The following PCBP3 variants were observed in gnomAD, a reference collection of about 807,000 sequenced individuals.
PCBP3 encodes poly(rC)-binding protein 3.
PCBP3 carries 25 observed loss-of-function variants against 52.7 expected under a neutral mutation model. The observed-to-expected ratio is 0.47, with a 90% confidence interval of 0.35 to 0.66. PCBP3 has a LOEUF of 0.66. PCBP3 is among the 30% of genes least tolerant of loss of function. The pLI, the probability that PCBP3 is intolerant of heterozygous loss-of-function variation, is 0.01. For missense variants in PCBP3, 391 were observed against 490.3 expected, an observed-to-expected ratio of 0.80 and a Z score of 1.91; for synonymous variants, 162 against 183.0, an observed-to-expected ratio of 0.89 and a Z score of 0.93.
chr21:45,769,877 C>A (rs2089710342), intron 4 of PCBP3, among the ~76,000 whole-genome samples: 1 of 152,230 alleles, frequency 6.6e-6, no homozygotes, highest in Non-Finnish European at 1.5e-5. Context: ...TGACTCAGCC[C>A]AGCAGAAACT....
intron 4 of PCBP3, among the ~76,000 whole-genome samples, chr21:45,820,493 G>T (rs772235944): frequency 9.2e-5 from 14 of 152,378 alleles, no homozygotes; most frequent in Admixed American, 7.2e-4. Flanking sequence ...GGATAGGACA[G>T]GTGGCTTGGG....
In PCBP3 at chr21:45,821,028, G is replaced by C. The variant is rs2093119598; in HGVS notation, c.-125-28933G>C. On this transcript the variant is annotated intron_variant, in intron 4 of 17. Transcript: ENST00000681687. This position sits in a 1 kb window ranked among gnomAD's most constrained non-coding sequence, Gnocchi z 4.4. ...CGGCCCCTCGTCCTTGTCCATCCATGTGGCTTCTGCAAAGCACCCTTGTCT... is the reference window on the plus strand; with the variant it reads ...CGGCCCCTCGTCCTTGTCCATCCATCTGGCTTCTGCAAAGCACCCTTGTCT... 6.6e-6 allele frequency among the ~76,000 whole-genome samples: 1 copy of C among 152,218 alleles called. No homozygotes were observed. Among genetic ancestry groups the C allele is most frequent in the African/African-American group, 2.4e-5 (1 of 41,456 alleles).
chr21:45,817,948 C>A lies in PCBP3; in HGVS notation c.-125-32013C>A, dbSNP rs141037793. 1.3e-3 allele frequency among the ~76,000 whole-genome samples: 199 copies of A among 152,250 alleles called. 2 individuals carry two copies. Among genetic ancestry groups the A allele is most frequent in the African/African-American group, 4.5e-3 (185 of 41,534 alleles). ...AAAGTATAGAGCGTGCCACCTCCTC[C>A]CCTCATACAGAGCTTCTCCTGTTAC... On this transcript the variant is annotated intron_variant, in intron 4 of 17. Transcript: ENST00000681687. This position sits in a 1 kb window ranked among gnomAD's most constrained non-coding sequence, Gnocchi z 4.3.
At chr21:45,907,935 C>G (rs188042207) in intron 9 of PCBP3, among the ~76,000 whole-genome samples, 1 of 151,932 alleles carries the variant, frequency 6.6e-6, no homozygotes, top group Admixed American at 6.6e-5. Context: ...TTGTTGCCGA[C>G]GTCTGCCAGG....
intron 9 of PCBP3, chr21:45,901,477 C>T: frequency 3.6e-6 from 1 of 275,072 alleles, no homozygotes; most frequent in Non-Finnish European, 7.2e-6. Context: ...CTCCAGCCTC[C>T]AGCCAGCTCT....
Position 45,736,539 on chromosome 21 carries a change from G to A in PCBP3, c.-162+1110G>A, listed in dbSNP as rs1006131426. Among the ~76,000 whole-genome samples the A allele has an allele frequency of 1.3e-5, 2 of 152,148 alleles. No individual in the cohort carries two copies. Among genetic ancestry groups the A allele is most frequent in the Non-Finnish European group, 2.9e-5 (2 of 67,988 alleles). ...AGGGCAGCGCCCTGGTTAGAGAGAC[G>A]GCATGGGGAGTTGGCAGGGGGAGGC... On this transcript the variant is annotated intron_variant, in intron 3 of 17. Transcript: ENST00000681687. The surrounding 1 kb of genome is among the most constrained non-coding windows in gnomAD (Gnocchi z 4.6).
intron 2 of PCBP3, among the ~76,000 whole-genome samples, chr21:45,697,216 G>T (rs1054783216): frequency 6.6e-6 from 1 of 152,156 alleles, no homozygotes; most frequent in Non-Finnish European, 1.5e-5. Context: ...ATGCCTAATA[G>T]TGAAACACTG....
chr21:45,676,703 T>C (rs945668266), intron 2 of PCBP3, among the ~76,000 whole-genome samples: 49 of 152,282 alleles, frequency 3.2e-4, no homozygotes, highest in Admixed American at 1.1e-3. Context: ...ATTGGGCCAA[T>C]TAATAACCCT....
chr21:45,938,139 G>T (rs751862467), intron 16 of PCBP3, among the ~76,000 whole-genome samples: 1 of 152,214 alleles, frequency 6.6e-6, no homozygotes, highest in African/African-American at 2.4e-5. Flanking sequence ...AGAGAAGAGG[G>T]TAGGCCCTGT....
intron 13 of PCBP3, among the ~76,000 whole-genome samples, chr21:45,925,634 A>G (rs1280663276): frequency 6.6e-6 from 1 of 152,194 alleles, no homozygotes; most frequent in Non-Finnish European, 1.5e-5. Context: ...AAATGAAAGA[A>G]TGGGAAAAGG....
In PCBP3 at chr21:45,900,802, A is replaced by T. The variant is rs781002235; in HGVS notation, c.222+179A>T. Among the ~76,000 whole-genome samples, 38 of 152,274 alleles carry T rather than the reference A, an allele frequency of 2.5e-4. 1 individual carries two copies. In the Middle Eastern group the frequency reaches 0.017, roughly 68 times the overall value. Reference sequence around the variant, plus strand: ...TCCTGTGCTCCCCTGTGGGGAAGGAATCTGTTGGATTCCTTTTGCTAGTTA... The same window carrying T: ...TCCTGTGCTCCCCTGTGGGGAAGGATTCTGTTGGATTCCTTTTGCTAGTTA... On this transcript the variant is annotated intron_variant, in intron 8 of 17. Transcript: ENST00000681687.
intron 12 of PCBP3, chr21:45,916,244 C>G (rs140088143): frequency 6.6e-6 from 1 of 152,276 alleles, no homozygotes; most frequent in Non-Finnish European, 1.5e-5. Flanking sequence ...GAGGGGGCGG[C>G]TCCCAGCATG....
At chr21:45,908,777 C>G (rs1033422453) in intron 9 of PCBP3, among the ~76,000 whole-genome samples, 1 of 152,208 alleles carries the variant, frequency 6.6e-6, no homozygotes, top group African/African-American at 2.4e-5. Context: ...GCTCTGTCTC[C>G]TGGGTGTCAG....
Position 45,889,712 on chromosome 21 carries a change from A to G in PCBP3, c.11-6496A>G, listed in dbSNP as rs368995441. 1.8e-4 allele frequency among the ~76,000 whole-genome samples: 27 copies of G among 152,268 alleles called. No individual in the cohort carries two copies. In the East Asian group the frequency reaches 5.2e-3, roughly 29 times the overall value. On this transcript the variant is annotated intron_variant, in intron 5 of 17. Transcript: ENST00000681687. The stretch of plus-strand genomic sequence containing the variant: ...CCTGCCATGGCTCTTGTGGCAGTAC[A>G]TTGCGGTGGCTACAGATGTTTGTTG...
intron 5 of PCBP3, among the ~76,000 whole-genome samples, chr21:45,879,960 A>G (rs1318524797): frequency 3.3e-5 from 5 of 152,136 alleles, no homozygotes; most frequent in African/African-American, 1.2e-4. Context: ...AATGAAATTA[A>G]AAACAGAACT....
intron 16 of PCBP3, among the ~76,000 whole-genome samples, chr21:45,937,229 A>T (rs1264713486): frequency 3.9e-5 from 6 of 152,070 alleles, no homozygotes; most frequent in Non-Finnish European, 8.8e-5. Context: ...GGAGGCAGGG[A>T]CTCCTGAGAC....
chr21:45,882,173 A>T lies in PCBP3; in HGVS notation c.11-14035A>T, dbSNP rs77545397. ...ACTGTACAAGGGTTCCCTTTTGTCCACCTCCTCACCAACACTTAGCTTTTG... is the reference window on the plus strand; with the variant it reads ...ACTGTACAAGGGTTCCCTTTTGTCCTCCTCCTCACCAACACTTAGCTTTTG... On this transcript the variant is annotated intron_variant, in intron 5 of 17. Coordinates refer to ENST00000681687, the MANE Select transcript of PCBP3 (RefSeq NM_001384156.1). Among the ~76,000 whole-genome samples, 833 of 152,096 alleles carry T rather than the reference A, an allele frequency of 5.5e-3. 3 individuals carry two copies. The highest frequency in any genetic ancestry group is 9.4e-3 in the Non-Finnish European group (639 of 67,994).
At chr21:45,926,512 TG>T (rs2075432774) in intron 13 of PCBP3, among the ~76,000 whole-genome samples, 1 of 152,046 alleles carries the variant, frequency 6.6e-6, no homozygotes, top group Non-Finnish European at 1.5e-5. Flanking sequence ...TCAAACGGTG[TG>T]GTTTTGGTGC....
intron 16 of PCBP3, 87 bp from the exon 17 acceptor site, chr21:45,939,943 C>G (rs563526944): frequency 7.9e-7 from 1 of 1,262,346 alleles, no homozygotes; most frequent in East Asian, 2.3e-5. Flanking sequence ...GCGGCCCGTC[C>G]CACCGGCCCC....
Sources: gnomAD v4.1 joint callset for allele counts (sites outside exome capture counted in the v4.1 genomes callset) on GRCh38, gnomAD v4.1.1 for gene constraint, Gnocchi (gnomAD v3.1) non-coding constraint, MANE v1.5 for transcripts, NCBI Gene and HGNC (gene_info 2026-07-23, HGNC 2026-07-21) for gene names.